COL25A1: variants seen among roughly 807,000 people sequenced by gnomAD.
The protein encoded by COL25A1 is collagen type XXV alpha 1 chain, also known as collagen alpha-1(XXV) chain.
COL25A1 carries 103 observed loss-of-function variants against 128.4 expected under a neutral mutation model. The ratio of observed to expected loss-of-function variants is 0.80; its 90% CI spans 0.68 to 0.94. The LOEUF is 0.94. Among genes scored for constraint, COL25A1 ranks in the 40% least tolerant of loss-of-function variants. The probability of loss-of-function intolerance (pLI) is 0.00; values close to 1 mark genes in which losing one functional copy is unlikely to be tolerated. For missense variants in COL25A1, 745 were observed against 840.0 expected (o/e 0.89, Z 1.40); for synonymous variants, 279 against 277.2 (o/e 1.01, Z -0.06).
chr4:109,033,230 T>G (rs1053520663), intron 5 of COL25A1, among the ~76,000 whole-genome samples: 1 of 152,244 alleles, frequency 6.6e-6, no homozygotes, highest in Non-Finnish European at 1.5e-5. Context: ...TATAGGTGTA[T>G]GAAGCATGAA....
chr4:109,065,545 C>CGCGCGCGCGCGCGCGCGCGT (rs771855567), intron 3 of COL25A1, among the ~76,000 whole-genome samples: 1 of 141,132 alleles, frequency 7.1e-6, no homozygotes, highest in African/African-American at 2.7e-5. Flanking sequence ...CGCGCGCGCG[C>CGCGCGCGCGCGCGCGCGCGT]GTGTGTGTGT....
intron 5 of COL25A1, among the ~76,000 whole-genome samples, chr4:109,036,322 GA>G (rs1157234386): frequency 6.6e-6 from 1 of 152,084 alleles, no homozygotes; most frequent in Non-Finnish European, 1.5e-5. Flanking sequence ...AAACCCAGGG[GA>G]TATAGTCAGA....
intron 3 of COL25A1, among the ~76,000 whole-genome samples, chr4:109,173,766 A>G (rs1034966479): frequency 1.6e-4 from 25 of 152,194 alleles, no homozygotes; most frequent in African/African-American, 6.0e-4. Flanking sequence ...TAATTCTTAT[A>G]TATTCAGTAC....
chr4:108,894,754 T>C (rs1741932406), intron 16 of COL25A1, among the ~76,000 whole-genome samples: 1 of 152,198 alleles, frequency 6.6e-6, no homozygotes, highest in Admixed American at 6.5e-5. Flanking sequence ...TTTATATATT[T>C]AGGATTTCAA....
intron 5 of COL25A1, among the ~76,000 whole-genome samples, chr4:109,038,645 A>G (rs1449150470): frequency 1.3e-5 from 2 of 152,232 alleles, no homozygotes; most frequent in Non-Finnish European, 2.9e-5. Flanking sequence ...TGAGCAAATG[A>G]GCATTTTTGG....
intron 3 of COL25A1, among the ~76,000 whole-genome samples, chr4:109,198,566 A>T (rs553476473): frequency 6.6e-6 from 1 of 152,340 alleles, no homozygotes; most frequent in East Asian, 1.9e-4. Context: ...AAAAGTCTGT[A>T]GAGGACATCA....
chr4:109,126,544 T>G (rs1389286825), intron 3 of COL25A1, among the ~76,000 whole-genome samples: 1 of 152,212 alleles, frequency 6.6e-6, no homozygotes, highest in Non-Finnish European at 1.5e-5. Context: ...AATAATGTTC[T>G]AAAGTTATAA....
chr4:108,883,123 G>C (rs549996897), intron 19 of COL25A1, among the ~76,000 whole-genome samples: 7 of 151,904 alleles, frequency 4.6e-5, no homozygotes, highest in Non-Finnish European at 8.8e-5. Context: ...CTCACTGCAA[G>C]CTCCACCTCC....
intron 6 of COL25A1, among the ~76,000 whole-genome samples, chr4:108,981,886 T>A (rs911261261): frequency 1.3e-5 from 2 of 152,210 alleles, no homozygotes; most frequent in Non-Finnish European, 2.9e-5. Context: ...ATTTTTCAGA[T>A]ACTTGACTTG....
intron 5 of COL25A1, among the ~76,000 whole-genome samples, chr4:109,014,340 G>T (rs1014831130): frequency 6.6e-6 from 1 of 151,832 alleles, no homozygotes; most frequent in African/African-American, 2.4e-5. Context: ...ATATTTTATA[G>T]AATCCCAGAA....
intron 3 of COL25A1, among the ~76,000 whole-genome samples, chr4:109,136,539 T>C (rs1233904836): frequency 6.6e-6 from 1 of 152,248 alleles, no homozygotes; most frequent in Non-Finnish European, 1.5e-5. Context: ...AACTGTAGTC[T>C]GTAGTACACA....
At chr4:108,960,033 A>G (rs10516553) in intron 8 of COL25A1, among the ~76,000 whole-genome samples, 1 of 151,932 alleles carries the variant, frequency 6.6e-6, no homozygotes, top group Non-Finnish European at 1.5e-5. Flanking sequence ...GAACTTATTT[A>G]AAAAGGCAGC....
Position 109,050,197 on chromosome 4 carries a change from AT to A in COL25A1, c.368-19del. On this transcript the variant is annotated intron_variant, in intron 3 of 37. Coordinates refer to ENST00000399132, the MANE Select transcript of COL25A1 (RefSeq NM_198721.4). ...TGGAGGGCCTGAAATACAAAGGATA[AT>A]TTTTTTAGTGTAGTTTAATTCTTTT... 5 of 1,598,148 alleles carry A rather than the reference AT, an allele frequency of 3.1e-6. No homozygotes were observed. Among genetic ancestry groups the A allele is most frequent in the Non-Finnish European group, 3.4e-6 (4 of 1,169,398 alleles).
At chr4:109,142,389 T>G (rs917139114) in intron 3 of COL25A1, among the ~76,000 whole-genome samples, 2 of 152,190 alleles carry the variant, frequency 1.3e-5, no homozygotes, top group South Asian at 2.1e-4. Flanking sequence ...AGAATGTATA[T>G]TCTGTTGATT....
At chr4:109,229,627 C>T (rs1037483339) in intron 3 of COL25A1, among the ~76,000 whole-genome samples, 7 of 152,102 alleles carry the variant, frequency 4.6e-5, no homozygotes, top group Admixed American at 1.3e-4. Flanking sequence ...ACAGAAAGCA[C>T]AAAAATTGTT....
At chr4:109,002,773 T>G (rs1229500639) in intron 6 of COL25A1, among the ~76,000 whole-genome samples, 2 of 152,198 alleles carry the variant, frequency 1.3e-5, no homozygotes, top group Non-Finnish European at 2.9e-5. Flanking sequence ...ACATTTTTTT[T>G]TTGTTTTACT....
At chr4:108,916,580 T>C (rs572602540) in intron 13 of COL25A1, among the ~76,000 whole-genome samples, 1 of 152,082 alleles carries the variant, frequency 6.6e-6, no homozygotes, top group Admixed American at 6.6e-5. Context: ...GGCATACAAG[T>C]TTTGTTTCTC....
chr4:109,030,489 C>T (rs1003973980), intron 5 of COL25A1, among the ~76,000 whole-genome samples: 2 of 152,146 alleles, frequency 1.3e-5, no homozygotes, highest in Non-Finnish European at 2.9e-5. Flanking sequence ...ACCAAGGACC[C>T]ACAGCACGAA....
rs770765914 is a variant in COL25A1, at chr4:109,268,836, T to A, written c.367+31747A>T. ...CAAAGGCTCCCTCATTCTAAGGAGA[T>A]CACTTTCTCAACCAGGAGGCTTCCG... is the stretch of plus-strand genomic sequence containing the variant. On this transcript the variant is annotated intron_variant, in intron 3 of 37. Transcript: ENST00000399132. Among the ~76,000 whole-genome samples the A allele has an allele frequency of 1.5e-4, 23 of 152,180 alleles. No individual in the cohort carries two copies. The South Asian group carries it at 3.3e-3, about 22-fold the overall frequency.
Sources: gnomAD v4.1 joint callset for allele counts (sites outside exome capture counted in the v4.1 genomes callset) on GRCh38, gnomAD v4.1.1 for gene constraint, MANE v1.5 for transcripts, NCBI Gene and HGNC (gene_info 2026-07-23, HGNC 2026-07-21) for gene names.